OPCML: variants seen among roughly 807,000 people sequenced by gnomAD.
The protein encoded by OPCML is opioid binding protein/cell adhesion molecule like.
A neutral mutation model predicts 37.8 loss-of-function variants in OPCML; 13 were observed. The observed-to-expected ratio is 0.34, with a 90% CI of 0.22 to 0.55. The LOEUF (loss-of-function observed/expected upper bound fraction) is 0.55, where lower values mean the gene tolerates loss of function less well. Ranked by LOEUF, OPCML falls within the 20% of genes least tolerant of loss-of-function variation. OPCML has a pLI of 0.91. For missense variants in OPCML, 341 were observed against 435.6 expected (o/e 0.78, Z 1.93); for synonymous variants, 176 against 168.8 (o/e 1.04, Z -0.33).
At chr11:132,844,454 G>A (rs1242757129) in intron 2 of OPCML, among the ~76,000 whole-genome samples, 2 of 152,124 alleles carry the variant, frequency 1.3e-5, no homozygotes, top group East Asian at 1.9e-4. Context: ...AGGTATATTT[G>A]TATTATGTAG....
intron 2 of OPCML, among the ~76,000 whole-genome samples, chr11:132,820,884 G>A (rs1939942844): frequency 6.6e-6 from 1 of 152,108 alleles, no homozygotes; most frequent in Non-Finnish European, 1.5e-5. Flanking sequence ...CTCTGAGAGG[G>A]GGCCTTATTA....
intron 4 of OPCML, among the ~76,000 whole-genome samples, chr11:132,442,248 G>A (rs543845260): frequency 7.9e-5 from 12 of 152,268 alleles, no homozygotes; most frequent in South Asian, 2.1e-4. Flanking sequence ...CCTCAAGTAA[G>A]GTGTAGTGAG....
chr11:133,015,813 C>T (rs1947322660), intron 1 of OPCML, among the ~76,000 whole-genome samples: 1 of 152,136 alleles, frequency 6.6e-6, no homozygotes, highest in African/African-American at 2.4e-5. Context: ...ACCTCCAGAC[C>T]ACTCTGCCCT....
intron 3 of OPCML, among the ~76,000 whole-genome samples, chr11:132,537,256 A>T (rs921578269): frequency 1.3e-5 from 2 of 152,254 alleles, no homozygotes; most frequent in Non-Finnish European, 2.9e-5. Context: ...TCAATGGAAT[A>T]GAATTGAGAA....
intron 1 of OPCML, among the ~76,000 whole-genome samples, chr11:133,451,824 A>G (rs1187112149): frequency 6.6e-6 from 1 of 150,478 alleles, no homozygotes; most frequent in Non-Finnish European, 1.5e-5. Context: ...CCTGGGCAAC[A>G]AGAGCAAAAC....
intron 1 of OPCML, among the ~76,000 whole-genome samples, chr11:132,994,851 C>T (rs1428463107): frequency 6.6e-6 from 1 of 152,198 alleles, no homozygotes; most frequent in African/African-American, 2.4e-5. Flanking sequence ...CTCAGGAACG[C>T]TTAATGGATA....
chr11:133,048,431 G>A (rs142231429), intron 1 of OPCML, among the ~76,000 whole-genome samples: 55 of 152,142 alleles, frequency 3.6e-4, no homozygotes, highest in South Asian at 6.2e-4. Context: ...CTAAAACCCC[G>A]TATGAGAATG....
rs1483926517 is a variant in OPCML at position 132,416,174 on chromosome 11, A to T, written c.*4019T>A. The T allele has an allele frequency of 6.6e-6, 1 of 152,178 alleles. No individual in the cohort carries two copies. The highest frequency in any genetic ancestry group is 1.5e-5 in the Non-Finnish European group (1 of 68,042). 9.4% of individuals were successfully genotyped at this position (152,178 alleles called of 1,614,324 possible). A position where few individuals can be genotyped will look rare whatever the true frequency, so the allele number is the denominator to read the frequency against. Reference sequence around the variant, plus strand: ...TGCTGCTTCCCTTAATTCCAAAGGGATTGACAATTTGCTTTTGTGTGTGTG... The same window carrying T: ...TGCTGCTTCCCTTAATTCCAAAGGGTTTGACAATTTGCTTTTGTGTGTGTG... On this transcript the variant is annotated 3_prime_UTR_variant, in exon 8 of 8. Transcript: ENST00000524381.
intron 1 of OPCML, among the ~76,000 whole-genome samples, chr11:133,509,955 T>C (rs1277568782): frequency 6.6e-6 from 1 of 152,156 alleles, no homozygotes; most frequent in African/African-American, 2.4e-5. Context: ...ACCAGGCACA[T>C]TACCCTAACC....
At chr11:133,218,186 G>A (rs1464911921) in intron 1 of OPCML, among the ~76,000 whole-genome samples, 1 of 152,080 alleles carries the variant, frequency 6.6e-6, no homozygotes, top group African/African-American at 2.4e-5. Context: ...AAATCATGGA[G>A]AGTTCCAGGC....
chr11:132,905,413 G>T (rs1390984251), intron 2 of OPCML, among the ~76,000 whole-genome samples: 2 of 151,230 alleles, frequency 1.3e-5, no homozygotes, highest in African/African-American at 4.9e-5. Flanking sequence ...TTGTATTTTT[G>T]GTAGAGACAG....
chr11:132,826,007 C>T (rs1565891672), intron 2 of OPCML, among the ~76,000 whole-genome samples: 1 of 152,190 alleles, frequency 6.6e-6, no homozygotes, highest in African/African-American at 2.4e-5. Context: ...TTTCCAGACT[C>T]TTTCAGAATA....
intron 1 of OPCML, among the ~76,000 whole-genome samples, chr11:133,098,623 C>T (rs1272331603): frequency 6.6e-6 from 1 of 152,052 alleles, no homozygotes; most frequent in Non-Finnish European, 1.5e-5. Context: ...AATCCAACAC[C>T]CATTCATGAT....
chr11:133,278,562 G>A (rs1023617334), intron 1 of OPCML, among the ~76,000 whole-genome samples: 2 of 151,992 alleles, frequency 1.3e-5, no homozygotes, highest in African/African-American at 4.8e-5. Flanking sequence ...TCTATGGTTG[G>A]GGGAGTGGGA....
intron 2 of OPCML, among the ~76,000 whole-genome samples, chr11:132,853,513 T>C (rs1941908232): frequency 6.6e-6 from 1 of 152,134 alleles, no homozygotes; most frequent in African/African-American, 2.4e-5. Context: ...GTTCAATGTG[T>C]GTTAGTATAA....
chr11:132,672,648 G>T (rs950869323), intron 2 of OPCML, among the ~76,000 whole-genome samples: 1 of 152,150 alleles, frequency 6.6e-6, no homozygotes, highest in African/African-American at 2.4e-5. Context: ...GCTGTCTGCA[G>T]CCATCATCAG....
chr11:133,008,470 A>G (rs932550897), intron 1 of OPCML: 8 of 965,836 alleles, frequency 8.3e-6, no homozygotes, highest in Admixed American at 1.2e-4. Context: ...CAGTCCCCAG[A>G]TTCCCTTTGG....
At chr11:132,579,814 A>G (rs1225656929) in intron 3 of OPCML, among the ~76,000 whole-genome samples, 1 of 152,220 alleles carries the variant, frequency 6.6e-6, no homozygotes, top group Non-Finnish European at 1.5e-5. Context: ...AACTTGACAC[A>G]TTAATATAGA....
intron 3 of OPCML, among the ~76,000 whole-genome samples, chr11:132,556,841 G>A (rs2096396731): frequency 6.6e-6 from 1 of 152,112 alleles, no homozygotes; most frequent in African/African-American, 2.4e-5. Context: ...AAAGAGAAGT[G>A]TGACTCTAGT....
Sources: allele counts gnomAD v4.1 joint callset (sites outside exome capture counted in the v4.1 genomes callset), GRCh38; gene constraint gnomAD v4.1.1; transcripts MANE v1.5; gene names NCBI Gene and HGNC (gene_info 2026-07-23, HGNC 2026-07-21).